GABBR2: variants seen among roughly 807,000 people sequenced by gnomAD.
The protein encoded by GABBR2 is G-protein coupled receptor 51.
GABBR2 carries 23 observed loss-of-function variants against 105.6 expected under a neutral mutation model. The observed-to-expected ratio is 0.22, with a 90% CI of 0.16 to 0.31. The LOEUF (loss-of-function observed/expected upper bound fraction) is 0.31. Ranked by LOEUF, GABBR2 falls within the 10% of genes least tolerant of loss-of-function variation. GABBR2 has a pLI of 1.00. For synonymous variants in GABBR2, 478 were observed against 499.7 expected (o/e 0.96, Z 0.58); for missense variants, 734 against 1,245.5 (o/e 0.59, Z 6.18).
chr9:98,443,677 A>G (rs1826072117), intron 7 of GABBR2, among the ~76,000 whole-genome samples: 1 of 152,230 alleles, frequency 6.6e-6, no homozygotes, highest in South Asian at 2.1e-4. Flanking sequence ...ATCAGCAAAT[A>G]TATTTCATGG....
At chr9:98,416,347 C>G (rs4743221) in intron 7 of GABBR2, among the ~76,000 whole-genome samples, 43 of 152,066 alleles carry the variant, frequency 2.8e-4, no homozygotes, top group African/African-American at 9.7e-4. Flanking sequence ...CACAAATCAG[C>G]ATGGGACTAG....
At chr9:98,645,289 T>C (rs1830016285) in intron 1 of GABBR2, among the ~76,000 whole-genome samples, 1 of 152,172 alleles carries the variant, frequency 6.6e-6, no homozygotes, top group Non-Finnish European at 1.5e-5. Flanking sequence ...AGAAGCACAA[T>C]TTGTCAGAGC....
chr9:98,489,097 C>T (rs931167430), intron 4 of GABBR2, among the ~76,000 whole-genome samples: 2 of 152,146 alleles, frequency 1.3e-5, no homozygotes, highest in African/African-American at 2.4e-5. Flanking sequence ...CAGCCAAGGA[C>T]GTTGTGGTAA....
chr9:98,539,913 TA>T (rs746934812), intron 3 of GABBR2, among the ~76,000 whole-genome samples: 24,934 of 103,576 alleles, frequency 0.24, 2,220 homozygotes, highest in African/African-American at 0.32. Flanking sequence ...AGACTTCGTC[TA>T]AAAAAAAAAA....
intron 1 of GABBR2, among the ~76,000 whole-genome samples, chr9:98,603,897 A>G (rs1588247577): frequency 6.6e-6 from 1 of 152,140 alleles, no homozygotes; most frequent in East Asian, 1.9e-4. Context: ...AACCCCAAGA[A>G]CCTTCCTACC....
At position 98,541,901 on chromosome 9, in the gene GABBR2, A is replaced by T; in HGVS notation, c.602T>A (p.Leu201Gln). ...AGAGAACCTCTGAACGTCTTGCGTC[A>T]GCGTGCCCACGCGCTTCCACTGGTA... ...KHYQWKRVGT[L>Q]TQDVQRFSEV... The change falls in exon 3 of 19, where the codon CTG (leucine) becomes CAG (glutamine). Residue 201 changes from leucine to glutamine, a missense_variant. Transcript: ENST00000259455. 6.2e-7 allele frequency: 1 copy of T among 1,614,260 alleles called. No individual in the cohort carries two copies. The highest frequency in any genetic ancestry group is 1.7e-5 in the Admixed American group (1 of 60,036).
At chr9:98,571,007 A>C (rs1828821915) in intron 2 of GABBR2, among the ~76,000 whole-genome samples, 1 of 152,200 alleles carries the variant, frequency 6.6e-6, no homozygotes, top group African/African-American at 2.4e-5. Flanking sequence ...GGCCTGTACC[A>C]GGCCGAGGGG....
intron 7 of GABBR2, among the ~76,000 whole-genome samples, chr9:98,426,916 T>A (rs772556037): frequency 2.0e-5 from 3 of 152,164 alleles, no homozygotes; most frequent in Non-Finnish European, 4.4e-5. Flanking sequence ...GGCACGAGAA[T>A]TGCTTGAGCC....
intron 1 of GABBR2, among the ~76,000 whole-genome samples, chr9:98,612,891 A>G (rs1211740053): frequency 1.3e-5 from 2 of 152,196 alleles, no homozygotes; most frequent in Non-Finnish European, 1.5e-5. Context: ...GCAAAAGAGA[A>G]CTATAGTCAA....
At chr9:98,414,541 A>AG (rs950963513) in intron 7 of GABBR2, among the ~76,000 whole-genome samples, 1 of 152,214 alleles carries the variant, frequency 6.6e-6, no homozygotes, top group Non-Finnish European at 1.5e-5. Flanking sequence ...GGTTTTAATG[A>AG]GGGGGTGACT....
intron 13 of GABBR2, among the ~76,000 whole-genome samples, chr9:98,350,767 T>C (rs1028167209): frequency 6.6e-6 from 1 of 152,236 alleles, no homozygotes; most frequent in Non-Finnish European, 1.5e-5. Flanking sequence ...TGGTCTACAA[T>C]GTACATTAAT....
chr9:98,356,424 A>G (rs575117305), intron 13 of GABBR2, among the ~76,000 whole-genome samples: 18 of 152,354 alleles, frequency 1.2e-4, no homozygotes, highest in African/African-American at 4.3e-4. Context: ...GCTCAACATC[A>G]TATGTCACTG....
At chr9:98,310,859 G>A (rs1341418384) in intron 14 of GABBR2, among the ~76,000 whole-genome samples, 1 of 152,196 alleles carries the variant, frequency 6.6e-6, no homozygotes, top group Admixed American at 6.5e-5. Context: ...CTAGCCAGAT[G>A]ACCTTGGGCA....
At position 98,436,940 on chromosome 9, in the gene GABBR2, G is replaced by A. The variant is rs1274477805; in HGVS notation, c.1236+17041C>T. ...CAGGTTGGCACTCACATGGGTCGGT[G>A]TGATACATTTCACAGCAGAAATGCC... On this transcript the variant is annotated intron_variant, in intron 7 of 18. Transcript: ENST00000259455. 3.3e-5 allele frequency among the ~76,000 whole-genome samples: 5 copies of A among 152,132 alleles called. No homozygotes were observed. In the East Asian group the frequency reaches 9.7e-4, roughly 29 times the overall value.
chr9:98,426,089 G>C (rs1208078718), intron 7 of GABBR2, among the ~76,000 whole-genome samples: 2 of 152,214 alleles, frequency 1.3e-5, no homozygotes, highest in Admixed American at 1.3e-4. Context: ...TGGCACATGA[G>C]GGGTGGGGAG....
intron 2 of GABBR2, among the ~76,000 whole-genome samples, chr9:98,573,423 C>T (rs1453349530): frequency 6.6e-6 from 1 of 152,136 alleles, no homozygotes; most frequent in Non-Finnish European, 1.5e-5. Context: ...CCTGGGACCA[C>T]AGGAGTGTGC....
At chr9:98,345,377 A>G (rs1345541197) in intron 13 of GABBR2, among the ~76,000 whole-genome samples, 1 of 152,224 alleles carries the variant, frequency 6.6e-6, no homozygotes. Flanking sequence ...GCTCTGCCTG[A>G]GTCATCATTC....
chr9:98,650,997 T>C (rs577323627), intron 1 of GABBR2, among the ~76,000 whole-genome samples: 1 of 152,306 alleles, frequency 6.6e-6, no homozygotes, highest in East Asian at 1.9e-4. Flanking sequence ...GTGATGGTGA[T>C]GGTGGTGATG....
intron 4 of GABBR2, among the ~76,000 whole-genome samples, chr9:98,482,606 CTGTGT>C (rs1225264468): frequency 6.6e-6 from 1 of 152,162 alleles, no homozygotes; most frequent in Non-Finnish European, 1.5e-5. Flanking sequence ...GTGCCAAACC[CTGTGT>C]TGCTAAACAT....
Sources: gnomAD v4.1 joint callset for allele counts (sites outside exome capture counted in the v4.1 genomes callset) on GRCh38, gnomAD v4.1.1 for gene constraint, MANE v1.5 for transcripts, NCBI Gene and HGNC (gene_info 2026-07-23, HGNC 2026-07-21) for gene names.